Variants in TMEM114 observed in about 807,000 individuals in gnomAD.
TMEM114 encodes the protein claudin-26.
Under a neutral mutation model 6.2 loss-of-function variants are expected in TMEM114, and 6 were observed. The ratio of observed to expected loss-of-function variants is 0.97; its 90% confidence interval spans 0.53 to 1.91. The LOEUF (loss-of-function observed/expected upper bound fraction) is 1.91, where lower values mean the gene tolerates loss of function less well. TMEM114 is among the 40% of genes most tolerant of loss of function. The pLI is 0.01. For synonymous variants in TMEM114, 104 were observed against 73.0 expected (o/e 1.42, Z -2.16); for missense variants, 218 against 158.3 (o/e 1.38, Z -2.02).
chr16:8,564,221 GTGAATGAGTGAGTT>G (rs1567203543), intron 2 of TMEM114, among the ~76,000 whole-genome samples: 5 of 15,462 alleles, frequency 3.2e-4, no homozygotes, highest in African/African-American at 1.2e-3. Flanking sequence ...GAGTGAGTTA[GTGAATGAGTGAGTT>G]AGTGAATGAG....
chr16:8,567,415 G>T (rs941943595), downstream of TMEM114, among the ~76,000 whole-genome samples: 1 of 152,210 alleles, frequency 6.6e-6, no homozygotes, highest in Admixed American at 6.5e-5. Flanking sequence ...TGCATGAATG[G>T]ATGGGCGAAT....
chr16:8,564,989 G>C (rs111163877), downstream of TMEM114, among the ~76,000 whole-genome samples: 23,897 of 151,828 alleles, frequency 0.16, 2,194 homozygotes, highest in Non-Finnish European at 0.21. Context: ...GAGTGAGTGA[G>C]TGAATGAGTA....
At chr16:8,548,099 T>C (rs1455485077) in intron 2 of TMEM114, among the ~76,000 whole-genome samples, 1 of 152,152 alleles carries the variant, frequency 6.6e-6, no homozygotes, top group Non-Finnish European at 1.5e-5. Flanking sequence ...AGCAAGACCC[T>C]CTGAAAAGCC....
chr16:8,588,763 T>C (rs1342664159), intron 2 of TMEM114, among the ~76,000 whole-genome samples: 5 of 152,202 alleles, frequency 3.3e-5, no homozygotes, highest in South Asian at 2.1e-4. Context: ...TTCTAGGCAA[T>C]GTGAATACAA....
chr16:8,589,518 T>C (rs1193672832), intron 1 of TMEM114, 101 bp downstream of exon 1: 2 of 398,158 alleles, frequency 5.0e-6, no homozygotes, highest in African/African-American at 2.1e-5. Flanking sequence ...TTTTAGGGAC[T>C]TGGGGGAGGA....
intron 3 of TMEM114, 112 bp downstream of exon 3, chr16:8,571,975 C>G (rs965791999): frequency 4.6e-6 from 6 of 1,312,126 alleles, no homozygotes; most frequent in African/African-American, 1.5e-5. Context: ...GAAGGGGAAA[C>G]TGAACCCCAC....
intron 2 of TMEM114, among the ~76,000 whole-genome samples, chr16:8,562,035 A>C (rs1901238925): frequency 1.3e-5 from 2 of 150,758 alleles, no homozygotes; most frequent in South Asian, 4.2e-4. Flanking sequence ...TGAATGAGTG[A>C]GTAAATGAGT....
At chr16:8,550,467 TCA>T (rs147546313) in intron 2 of TMEM114, among the ~76,000 whole-genome samples, 14,607 of 151,756 alleles carry the variant, frequency 0.096, 821 homozygotes, top group Middle Eastern at 0.24. Context: ...GATGATGAGG[TCA>T]GGAGTTTGAG....
chr16:8,564,362 T>C (rs372529495), intron 2 of TMEM114, among the ~76,000 whole-genome samples: 1 of 148,410 alleles, frequency 6.7e-6, no homozygotes, highest in Non-Finnish European at 1.5e-5. Flanking sequence ...AGTCAGTGAG[T>C]GAATGAGTCA....
chr16:8,588,177 C>T (rs1596316211), intron 2 of TMEM114, among the ~76,000 whole-genome samples: 2 of 151,456 alleles, frequency 1.3e-5, no homozygotes, highest in Non-Finnish European at 2.9e-5. Context: ...GTTTCAGCTA[C>T]TCAGGAGGCT....
At chr16:8,541,514 G>A (rs1311044163) in intron 2 of TMEM114, among the ~76,000 whole-genome samples, 1 of 152,190 alleles carries the variant, frequency 6.6e-6, no homozygotes, top group Non-Finnish European at 1.5e-5. Flanking sequence ...AAAGATCTCA[G>A]TGTAACCAGG....
chr16:8,546,191 G>T (rs1318790303), intron 2 of TMEM114, among the ~76,000 whole-genome samples: 4 of 152,154 alleles, frequency 2.6e-5, no homozygotes, highest in African/African-American at 9.7e-5. Flanking sequence ...ATACAATCCT[G>T]AAGAACACTT....
intron 2 of TMEM114, among the ~76,000 whole-genome samples, chr16:8,560,380 C>T (rs564013856): frequency 6.6e-6 from 1 of 152,196 alleles, no homozygotes; most frequent in East Asian, 1.9e-4. Flanking sequence ...TGGGCATCCT[C>T]TCCTTGGACA....
chr16:8,586,246 A>G (rs953256589), intron 2 of TMEM114, among the ~76,000 whole-genome samples: 1 of 152,224 alleles, frequency 6.6e-6, no homozygotes, highest in Admixed American at 6.5e-5. Flanking sequence ...ATGTCAAGTC[A>G]TTCCTTTCTG....
intron 2 of TMEM114, among the ~76,000 whole-genome samples, chr16:8,549,314 A>C (rs1337911698): frequency 1.3e-5 from 2 of 151,958 alleles, no homozygotes; most frequent in African/African-American, 4.8e-5. Context: ...AGCCTGGCCA[A>C]CATGACAAAA....
chr16:8,582,414 G>A (rs974847913), intron 2 of TMEM114, among the ~76,000 whole-genome samples: 1 of 152,224 alleles, frequency 6.6e-6, no homozygotes, highest in African/African-American at 2.4e-5. Context: ...TGAACCTGCT[G>A]TTCTGTCTCG....
chr16:8,561,932 GTGAGTAAGTGAATGAGTGAA>G (rs1454204243), intron 2 of TMEM114, among the ~76,000 whole-genome samples: 1 of 132,484 alleles, frequency 7.5e-6, no homozygotes, highest in Non-Finnish European at 1.7e-5. Flanking sequence ...GAATGAGTGA[GTGAGTAAGTGAATGAGTGAA>G]TGAGGGAGGG....
At chr16:8,560,999 C>A (rs1280162699) in intron 2 of TMEM114, among the ~76,000 whole-genome samples, 1 of 152,172 alleles carries the variant, frequency 6.6e-6, no homozygotes, top group East Asian at 1.9e-4. Flanking sequence ...GAGAGCCAAG[C>A]AAAAGAGGGA....
intron 3 of TMEM114, among the ~76,000 whole-genome samples, chr16:8,570,488 C>G (rs181795711): frequency 2.0e-5 from 3 of 152,096 alleles, no homozygotes; most frequent in African/African-American, 7.2e-5. Flanking sequence ...CCCGCCACCG[C>G]GCCCGGCTAA....
Sources: allele counts gnomAD v4.1 joint callset (sites outside exome capture counted in the v4.1 genomes callset), GRCh38; gene constraint gnomAD v4.1.1; transcripts MANE v1.5; gene names NCBI Gene and HGNC (gene_info 2026-07-23, HGNC 2026-07-21).